Variants in OR6B1 observed in about 807,000 individuals in gnomAD.
The protein encoded by OR6B1 is olfactory receptor family 6 subfamily B member 1, also known as olfactory receptor 6B1.
In OR6B1, 15 loss-of-function variants were observed where a neutral mutation model predicts 15.4. The observed-to-expected ratio is 0.97, with a 90% confidence interval of 0.65 to 1.50. The LOEUF (loss-of-function observed/expected upper bound fraction) is 1.50. OR6B1 is among the 40% of genes most tolerant of loss of function. OR6B1 has a pLI of 0.00. For missense variants in OR6B1, 384 were observed against 385.0 expected, an observed-to-expected ratio of 1.00 and a Z score of 0.02; for synonymous variants, 139 against 144.9, an observed-to-expected ratio of 0.96 and a Z score of 0.29.
In OR6B1 at chr7:144,004,903, G is replaced by C; in HGVS notation, c.907G>C (p.Ala303Pro). ...REVKEALKKL[A>P]YCQASRSD ...GGTCAAGGAAGCTCTGAAGAAACTG[G>C]CATATTGCCAGGCCAGCAGATCTGA... Residue 303 changes from alanine to proline, a missense_variant, in exon 2 of 2, where the codon GCA becomes CCA. Physicochemically the swap from Ala to Pro is conservative, Grantham distance 27 (BLOSUM62 -1). Transcript: ENST00000641698. 1 of 1,606,366 alleles carries C rather than the reference G, an allele frequency of 6.2e-7. No homozygotes were observed. Among genetic ancestry groups the C allele is most frequent in the Non-Finnish European group, 8.5e-7 (1 of 1,179,114 alleles).
rs908471152 is a variant in OR6B1 at position 144,008,755 on chromosome 7, A to G, written c.*3823A>G. On this transcript the variant is annotated 3_prime_UTR_variant, in exon 2 of 2. Transcript: ENST00000641698. Reference sequence around the variant, plus strand: ...TAAGTTTCCTGAGGCCTCCCCAACCATGTGGAACTGTAAGTCAATTAAACG... The same window carrying G: ...TAAGTTTCCTGAGGCCTCCCCAACCGTGTGGAACTGTAAGTCAATTAAACG... The G allele has an allele frequency of 1.3e-5, 2 of 152,252 alleles. No homozygotes were observed. The highest frequency in any genetic ancestry group is 2.9e-5 in the Non-Finnish European group (2 of 68,060). 9.4% of individuals were successfully genotyped at this position (152,252 alleles called of 1,614,324 possible).
Position 144,005,133 on chromosome 7 carries a change from G to A in OR6B1, c.*201G>A. 1.9e-6 allele frequency: 1 copy of A among 533,200 alleles called. No individual in the cohort carries two copies. The highest frequency in any genetic ancestry group is 3.3e-6 in the Non-Finnish European group (1 of 302,646). The allele number at this position is 533,200 out of a possible 1,614,324, so 33.0% of individuals were successfully genotyped here. A position where few individuals can be genotyped will look rare whatever the true frequency, so the allele number is the denominator to read the frequency against. On this transcript the variant is annotated 3_prime_UTR_variant, in exon 2 of 2. Transcript: ENST00000641698. The stretch of plus-strand genomic sequence containing the variant: ...GCCATACACCTTCTAGAGAGCTAGA[G>A]AAAACAGTTCTCAATGGTTGTGACC...
At position 144,004,723 on chromosome 7, in the gene OR6B1, C is replaced by G; in HGVS notation, c.727C>G (p.Leu243Val). ...AGCGTTCTCCACTTGTGCCTCCCAT[C>G]TTGTGGTGGTCACCATTTTCTATTC... is the stretch of plus-strand genomic sequence containing the variant. Reference protein sequence around the residue: ...QKAFSTCASHLVVVTIFYSAI... With the variant: ...QKAFSTCASHVVVVTIFYSAI... The change falls in exon 2 of 2, where the codon CTT becomes GTT. Residue 243 changes from leucine to valine, a missense_variant. Transcript: ENST00000641698. 1.2e-6 allele frequency: 2 copies of G among 1,614,202 alleles called. No homozygotes were observed. The highest frequency in any genetic ancestry group is 1.7e-6 in the Non-Finnish European group (2 of 1,180,008).
intron 1 of OR6B1, among the ~76,000 whole-genome samples, chr7:144,001,502 C>G (rs1053104341): frequency 6.6e-6 from 1 of 152,188 alleles, no homozygotes; most frequent in African/African-American, 2.4e-5. Flanking sequence ...TGCTTTCTAA[C>G]GGGTCTATGA....
intron 1 of OR6B1, among the ~76,000 whole-genome samples, chr7:144,001,018 A>C (rs1586857901): frequency 6.6e-6 from 1 of 152,186 alleles, no homozygotes; most frequent in African/African-American, 2.4e-5. Context: ...GTGGCTACAA[A>C]AACTGCTGCT....
chr7:144,004,640 T>C lies in OR6B1; in HGVS notation c.644T>C (p.Val215Ala). Residue 215 changes from valine to alanine, a missense_variant, in exon 2 of 2, where the codon GTC becomes GCC. Transcript: ENST00000641698. ...VIFLFPLFIT[V>A]LSYGCILATI... ...TTCCTATTCCCACTCTTTATTACTG[T>C]CCTGTCCTACGGATGCATTCTGGCC... 2 of 1,614,190 alleles carry C rather than the reference T, an allele frequency of 1.2e-6. No homozygotes were observed. The highest frequency in any genetic ancestry group is 2.2e-5 in the East Asian group (1 of 44,892).
In OR6B1 at chr7:144,004,809, T is replaced by G; in HGVS notation, c.813T>G (p.Ile271Met). 6.2e-7 allele frequency: 1 copy of G among 1,613,992 alleles called. No individual in the cohort carries two copies. Reference protein sequence around the residue: ...RVIHAFNMNKIISIFYAIVTP... With the variant: ...RVIHAFNMNKMISIFYAIVTP... The stretch of plus-strand genomic sequence containing the variant: ...TCCATGCCTTCAACATGAACAAAAT[T>G]ATTTCCATCTTCTATGCCATTGTCA... Residue 271 changes from isoleucine (I) to methionine (M), a missense_variant, in exon 2 of 2, where the codon ATT (isoleucine) becomes ATG (methionine). Coordinates refer to ENST00000641698, the MANE Select transcript of OR6B1 (RefSeq NM_001005281.3).
At chr7:144,002,016 A>C (rs991850740) in intron 1 of OR6B1, among the ~76,000 whole-genome samples, 1 of 152,236 alleles carries the variant, frequency 6.6e-6, no homozygotes, top group Non-Finnish European at 1.5e-5. Context: ...GCTTATAATA[A>C]AATTTCAGCA....
rs769895532 is a variant in OR6B1, at chr7:144,004,890, T to G, written c.894T>G (p.Ala298=). The change falls in exon 2 of 2, where the codon GCT becomes GCG. Residue 298 remains alanine (A), a synonymous_variant. Transcript: ENST00000641698. Reference sequence around the variant, plus strand: ...TAAGAAACCGAGAGGTCAAGGAAGCTCTGAAGAAACTGGCATATTGCCAGG... The same window carrying G: ...TAAGAAACCGAGAGGTCAAGGAAGCGCTGAAGAAACTGGCATATTGCCAGG... ...YCLRNREVKE[A]LKKLAYCQAS... The G allele has an allele frequency of 6.2e-7, 1 of 1,609,606 alleles. No homozygotes were observed. The highest frequency in any genetic ancestry group is 2.2e-5 in the East Asian group (1 of 44,888).
Position 144,007,043 on chromosome 7 carries a change from A to G in OR6B1, c.*2111A>G, listed in dbSNP as rs1466842696. On this transcript the variant is annotated 3_prime_UTR_variant, in exon 2 of 2. Transcript: ENST00000641698. ...CAATTCCACACCTAGTTGACTCCAC[A>G]TACTATAGTTATAGTTAACCTGGGA... is the stretch of plus-strand genomic sequence containing the variant. The G allele has an allele frequency of 6.6e-6, 1 of 152,252 alleles. No individual in the cohort carries two copies. The highest frequency in any genetic ancestry group is 1.5e-5 in the Non-Finnish European group (1 of 68,050). The allele number at this position is 152,252 out of a possible 1,614,324, so 9.4% of individuals were successfully genotyped here.
In OR6B1 at chr7:144,006,377, A is replaced by T. The variant is rs916785652; in HGVS notation, c.*1445A>T. The T allele has an allele frequency of 5.9e-5, 9 of 152,230 alleles. No homozygotes were observed. Among genetic ancestry groups the T allele is most frequent in the African/African-American group, 2.2e-4 (9 of 41,454 alleles). 9.4% of individuals were successfully genotyped at this position (152,230 alleles called of 1,614,324 possible). A position where few individuals can be genotyped will look rare whatever the true frequency, so the allele number is the denominator to read the frequency against. Reference sequence around the variant, plus strand: ...GAATTATGAATTACTATACCTGCAGAACAGTAATAAAATAAAAATGAAAAC... The same window carrying T: ...GAATTATGAATTACTATACCTGCAGTACAGTAATAAAATAAAAATGAAAAC... On this transcript the variant is annotated 3_prime_UTR_variant, in exon 2 of 2. Coordinates refer to ENST00000641698, the MANE Select transcript of OR6B1 (RefSeq NM_001005281.3).
chr7:144,008,553 G>A lies in OR6B1; in HGVS notation c.*3621G>A, dbSNP rs1351368468. ...CCACATATCAAAAGGGGAACCTGGT[G>A]GGAAGTGATTGCATCATGGGGGTGG... On this transcript the variant is annotated 3_prime_UTR_variant, in exon 2 of 2. Transcript: ENST00000641698. The A allele has an allele frequency of 6.6e-6, 1 of 152,192 alleles. No homozygotes were observed. The highest frequency in any genetic ancestry group is 2.4e-5 in the African/African-American group (1 of 41,428). The allele number at this position is 152,192 out of a possible 1,614,324, so 9.4% of individuals were successfully genotyped here.
Position 144,004,646 on chromosome 7 carries a change from C to A in OR6B1, c.650C>A (p.Ser217Tyr). 6.2e-7 allele frequency: 1 copy of A among 1,614,216 alleles called. No homozygotes were observed. Among genetic ancestry groups the A allele is most frequent in the Non-Finnish European group, 8.5e-7 (1 of 1,180,038 alleles). ...TTCCCACTCTTTATTACTGTCCTGT[C>A]CTACGGATGCATTCTGGCCACCATA... ...FLFPLFITVL[S>Y]YGCILATILC... The change falls in exon 2 of 2, where the codon TCC becomes TAC. Residue 217 changes from serine to tyrosine, a missense_variant. Ser to Tyr is a moderately radical substitution (Grantham distance 144). Coordinates refer to ENST00000641698, the MANE Select transcript of OR6B1 (RefSeq NM_001005281.3).
In OR6B1 at chr7:144,008,655, C is replaced by T. The variant is rs1490017004; in HGVS notation, c.*3723C>T. 6.6e-6 allele frequency: 1 copy of T among 152,216 alleles called. No individual in the cohort carries two copies. Among genetic ancestry groups the T allele is most frequent in the Non-Finnish European group, 1.5e-5 (1 of 68,102 alleles). 9.4% of individuals were successfully genotyped at this position (152,216 alleles called of 1,614,324 possible). On this transcript the variant is annotated 3_prime_UTR_variant, in exon 2 of 2. Transcript: ENST00000641698. ...GTTTTAAAAGTGTTTGGCAGTTCCC[C>T]TCCCACTTTCTCTCTCTCTCTCTTG... is the stretch of plus-strand genomic sequence containing the variant.
rs1254424854 is a variant in OR6B1 at position 144,007,733 on chromosome 7, A to G, written c.*2801A>G. The G allele has an allele frequency of 2.0e-5, 3 of 151,890 alleles. No homozygotes were observed. The highest frequency in any genetic ancestry group is 2.9e-5 in the Non-Finnish European group (2 of 67,974). The allele number at this position is 151,890 out of a possible 1,614,324, so 9.4% of individuals were successfully genotyped here. On this transcript the variant is annotated 3_prime_UTR_variant, in exon 2 of 2. Transcript: ENST00000641698. ...ATATCTAACATACATACATATTGTA[A>G]TGGGTTGAATGGTGGCTCCCAAAAA...
rs1433740828 is a variant in OR6B1 at position 144,004,284 on chromosome 7, C to T, written c.288C>T (p.Leu96=). 5 of 1,614,106 alleles carry T rather than the reference C, an allele frequency of 3.1e-6. No individual in the cohort carries two copies. Among genetic ancestry groups the T allele is most frequent in the Middle Eastern group, 1.6e-4 (1 of 6,084 alleles). The change falls in exon 2 of 2, where the codon CTC becomes CTT. Residue 96 remains leucine, a synonymous_variant. Transcript: ENST00000641698. ...WSVNNSISFT[L]CMIQLYFFIA... is the part of the protein sequence containing the mutation. ...TGAACAACAGCATCTCTTTCACACT[C>T]TGTATGATACAACTGTACTTCTTCA...
At position 144,007,682 on chromosome 7, in the gene OR6B1, G is replaced by C. The variant is rs1341995529; in HGVS notation, c.*2750G>C. The C allele has an allele frequency of 2.6e-5, 4 of 151,918 alleles. No individual in the cohort carries two copies. Among genetic ancestry groups the C allele is most frequent in the African/African-American group, 9.7e-5 (4 of 41,332 alleles). The allele number at this position is 151,918 out of a possible 1,614,324, so 9.4% of individuals were successfully genotyped here. On this transcript the variant is annotated 3_prime_UTR_variant, in exon 2 of 2. Transcript: ENST00000641698. ...GATAGCAGATAATACCTTTGTGTGT[G>C]TGTGTGTGTGTGTGTATACATATAT...
In OR6B1 at chr7:144,004,194, G is replaced by C; in HGVS notation, c.198G>C (p.Leu66=). The change falls in exon 2 of 2, where the codon CTG becomes CTC. Residue 66 remains leucine (L), a synonymous_variant. Coordinates refer to ENST00000641698, the MANE Select transcript of OR6B1 (RefSeq NM_001005281.3). ...HKPMYFFLAN[L]SFLETWYISV... ...CTATGTACTTCTTCCTGGCCAACCT[G>C]TCCTTCTTGGAGACCTGGTACATCT... 6.2e-7 allele frequency: 1 copy of C among 1,614,194 alleles called. No individual in the cohort carries two copies. Among genetic ancestry groups the C allele is most frequent in the Non-Finnish European group, 8.5e-7 (1 of 1,180,044 alleles).
rs1434472591 is a variant in OR6B1, at chr7:144,005,163, A to T, written c.*231A>T. On this transcript the variant is annotated 3_prime_UTR_variant, in exon 2 of 2. Coordinates refer to ENST00000641698, the MANE Select transcript of OR6B1 (RefSeq NM_001005281.3). ...CAGTTCTCAATGGTTGTGACCCCAA[A>T]TGGGGTTTCTAAGACTGTGAGTAAA... 9 of 459,500 alleles carry T rather than the reference A, an allele frequency of 2.0e-5. No individual in the cohort carries two copies. In the South Asian group the frequency reaches 2.9e-4, roughly 15 times the overall value. The allele number at this position is 459,500 out of a possible 1,614,324, so 28.5% of individuals were successfully genotyped here. A position where few individuals can be genotyped will look rare whatever the true frequency, so the allele number is the denominator to read the frequency against.
Sources: gnomAD v4.1 joint callset for allele counts (sites outside exome capture counted in the v4.1 genomes callset) on GRCh38, gnomAD v4.1.1 for gene constraint, MANE v1.5 for transcripts, NCBI Gene and HGNC (gene_info 2026-07-23, HGNC 2026-07-21) for gene names.